The following LPP variants were observed in gnomAD, a reference collection of about 807,000 sequenced individuals.
LPP encodes the protein lipoma-preferred partner.
LPP carries 38 observed loss-of-function variants against 60.4 expected under a neutral mutation model. That is an observed-to-expected ratio of 0.63 (90% confidence interval 0.49 to 0.83). The LOEUF is 0.83. Among genes scored for constraint, LPP ranks in the 40% least tolerant of loss-of-function variants. The pLI is 0.00. For missense variants in LPP, 902 were observed against 783.6 expected (o/e 1.15, Z -1.80); for synonymous variants, 328 against 290.8 (o/e 1.13, Z -1.30).
intron 1 of LPP, among the ~76,000 whole-genome samples, chr3:188,183,261 C>A (rs956589177): frequency 1.3e-5 from 2 of 152,114 alleles, no homozygotes; most frequent in Non-Finnish European, 2.9e-5. Flanking sequence ...CCACCTTTGC[C>A]CACCTTCCTT....
chr3:188,713,663 CAG>C lies in LPP; in HGVS notation c.1240+5274_1240+5275del, dbSNP rs2149767328. Among the ~76,000 whole-genome samples, 3 of 152,134 alleles carry C rather than the reference CAG, an allele frequency of 2.0e-5. No individual in the cohort carries two copies. The South Asian group carries it at 6.2e-4, about 32-fold the overall frequency. On this transcript the variant is annotated intron_variant, in intron 8 of 11. Transcript: ENST00000617246. ...TGATTGACAGATATACGTAGACAAA[CAG>C]AGATAGAGATAAATGTGGGGAGGCA...
At position 188,609,486 on chromosome 3, in the gene LPP, A is replaced by G. The variant is rs1843205169; in HGVS notation, c.755A>G (p.Asn252Ser). The G allele has an allele frequency of 4.3e-6, 7 of 1,614,156 alleles. No homozygotes were observed. In the Middle Eastern group the frequency reaches 6.6e-4, roughly 152 times the overall value. Residue 252 changes from asparagine to serine, a missense_variant, in exon 7 of 12, where the codon AAC becomes AGC. By Grantham distance (46) the Asn-to-Ser change is conservative. Transcript: ENST00000617246. This position sits in a 1 kb window ranked among gnomAD's most constrained non-coding sequence, Gnocchi z 6.9. Reference protein sequence around the residue: ...QIYGSGPQGYNTQPVPVSGQC... With the variant: ...QIYGSGPQGYSTQPVPVSGQC... The stretch of plus-strand genomic sequence containing the variant: ...TATGGCTCAGGGCCCCAGGGCTATA[A>G]CACTCAGCCAGTTCCTGTCTCTGGG...
chr3:188,314,346 T>A (rs528106616), intron 2 of LPP, among the ~76,000 whole-genome samples: 1 of 152,290 alleles, frequency 6.6e-6, no homozygotes, highest in Non-Finnish European at 1.5e-5. Context: ...TAGCTTTTTT[T>A]TTTAAAGAAA....
intron 4 of LPP, among the ~76,000 whole-genome samples, chr3:188,456,789 G>C (rs1328375208): frequency 6.6e-6 from 1 of 152,210 alleles, no homozygotes; most frequent in Non-Finnish European, 1.5e-5. Flanking sequence ...CTCTAAGAGT[G>C]CAAGGAAAAA....
At chr3:188,602,083 TATATATACACACACATATAC>T (rs1458373592) in intron 6 of LPP, among the ~76,000 whole-genome samples, 2 of 141,032 alleles carry the variant, frequency 1.4e-5, no homozygotes, top group East Asian at 2.0e-4. Flanking sequence ...TATATATATA[TATATATACACACACATATAC>T]ATATACACAC....
intron 3 of LPP, among the ~76,000 whole-genome samples, chr3:188,385,602 A>G (rs1252244072): frequency 6.6e-6 from 1 of 152,230 alleles, no homozygotes; most frequent in Non-Finnish European, 1.5e-5. Context: ...AAAATTAGCT[A>G]CATATCTCTG....
chr3:188,849,457 T>C (rs1762247970), intron 9 of LPP, among the ~76,000 whole-genome samples: 1 of 152,196 alleles, frequency 6.6e-6, no homozygotes, highest in Admixed American at 6.5e-5. Flanking sequence ...CCACAGATTT[T>C]TAATTCTCAT....
intron 9 of LPP, among the ~76,000 whole-genome samples, chr3:188,777,522 G>A (rs551001754): frequency 6.6e-6 from 1 of 152,106 alleles, no homozygotes; most frequent in Non-Finnish European, 1.5e-5. Flanking sequence ...TGCCATAATG[G>A]GTCTATGCAC....
chr3:188,744,361 G>A (rs1256185921), intron 8 of LPP, among the ~76,000 whole-genome samples: 1 of 152,110 alleles, frequency 6.6e-6, no homozygotes, highest in Non-Finnish European at 1.5e-5. Context: ...CACATCCAAT[G>A]TGTCCTCTTC....
intron 2 of LPP, among the ~76,000 whole-genome samples, chr3:188,259,306 A>G (rs1028614234): frequency 1.2e-4 from 18 of 152,286 alleles, no homozygotes; most frequent in African/African-American, 4.3e-4. Flanking sequence ...CCAGCATGAC[A>G]TTGAGTGTTC....
intron 9 of LPP, among the ~76,000 whole-genome samples, chr3:188,830,611 C>CA (rs369234880): frequency 0.035 from 5,053 of 143,076 alleles, 178 homozygotes; most frequent in African/African-American, 0.1. Flanking sequence ...TCTCAAAAAA[C>CA]AAAAAAAAAA....
At chr3:188,174,406 G>T (rs1284266075) in intron 1 of LPP, among the ~76,000 whole-genome samples, 1 of 152,238 alleles carries the variant, frequency 6.6e-6, no homozygotes, top group Non-Finnish European at 1.5e-5. Context: ...GTAGTGTAAA[G>T]ACATGGCATA....
intron 2 of LPP, among the ~76,000 whole-genome samples, chr3:188,236,706 T>C (rs568711678): frequency 3.3e-5 from 5 of 152,308 alleles, no homozygotes; most frequent in Middle Eastern, 3.4e-3. Flanking sequence ...TGTCTAAAAA[T>C]ACAGTATACA....
At chr3:188,789,469 G>A (rs1742999084) in intron 9 of LPP, among the ~76,000 whole-genome samples, 2 of 152,194 alleles carry the variant, frequency 1.3e-5, no homozygotes, top group Admixed American at 1.3e-4. Flanking sequence ...CTTTATGACA[G>A]TAAGCACTTA....
chr3:188,821,970 A>G (rs1019511154), intron 9 of LPP, among the ~76,000 whole-genome samples: 6 of 152,162 alleles, frequency 3.9e-5, no homozygotes, highest in Non-Finnish European at 2.9e-5. Context: ...TTTGTCCATA[A>G]GAATGAAAAT....
chr3:188,448,613 CCT>C (rs1795881071), intron 4 of LPP, among the ~76,000 whole-genome samples: 1 of 151,976 alleles, frequency 6.6e-6, no homozygotes, highest in South Asian at 2.1e-4. Context: ...GTCAGTTTTG[CCT>C]AGGACGTTCA....
intron 1 of LPP, among the ~76,000 whole-genome samples, chr3:188,194,074 A>T (rs1728884397): frequency 6.6e-6 from 1 of 152,170 alleles, no homozygotes; most frequent in Non-Finnish European, 1.5e-5. Context: ...CCCTGAAAAA[A>T]TCAGGGTGCT....
chr3:188,202,170 T>C (rs920056419), intron 1 of LPP, among the ~76,000 whole-genome samples: 2 of 152,020 alleles, frequency 1.3e-5, no homozygotes, highest in Non-Finnish European at 2.9e-5. Flanking sequence ...TAGCCTCGTC[T>C]TGGCACCATG....
At chr3:188,218,923 CACAAAA>C (rs1714720897) in intron 1 of LPP, among the ~76,000 whole-genome samples, 1 of 152,026 alleles carries the variant, frequency 6.6e-6, no homozygotes, top group African/African-American at 2.4e-5. Flanking sequence ...AACAATTTGG[CACAAAA>C]AGATGTAATG....
Sources: allele counts gnomAD v4.1 joint callset (sites outside exome capture counted in the v4.1 genomes callset), GRCh38; gene constraint gnomAD v4.1.1; non-coding constraint Gnocchi (gnomAD v3.1); transcripts MANE v1.5; gene names NCBI Gene and HGNC (gene_info 2026-07-23, HGNC 2026-07-21).